WASHC4: variants seen among roughly 807,000 people sequenced by gnomAD.
WASHC4 encodes WASH complex subunit 4.
In WASHC4, 86 loss-of-function variants were observed where a neutral mutation model predicts 166.6. The observed-to-expected ratio is 0.52, with a 90% CI of 0.43 to 0.62. The LOEUF is 0.62. Among genes scored for constraint, WASHC4 ranks in the 20% least tolerant of loss-of-function variants. The pLI, the probability that WASHC4 is intolerant of heterozygous loss-of-function variation, is 0.00. For missense variants in WASHC4, 1,262 were observed against 1,382.4 expected (o/e 0.91, Z 1.38); for synonymous variants, 446 against 451.6 (o/e 0.99, Z 0.16).
intron 13 of WASHC4, among the ~76,000 whole-genome samples, chr12:105,131,447 T>C (rs564753567): frequency 1.3e-5 from 2 of 152,356 alleles, no homozygotes; most frequent in East Asian, 1.9e-4. Context: ...CACAGAGTGA[T>C]GGGCAGAAGT....
intron 26 of WASHC4, among the ~76,000 whole-genome samples, chr12:105,154,330 A>G (rs536942026): frequency 2.1e-4 from 32 of 152,076 alleles, no homozygotes; most frequent in Admixed American, 1.2e-3. Flanking sequence ...CGCCCGGCCA[A>G]TACAAATTCT....
At chr12:105,146,410 T>A in intron 22 of WASHC4, 42 bp from the exon 23 acceptor site, 1 of 1,126,994 alleles carries the variant, frequency 8.9e-7, no homozygotes, top group Non-Finnish European at 1.4e-6. Context: ...ACTGATTATT[T>A]TAATGAATTA....
At chr12:105,156,877 G>T in intron 27 of WASHC4, 85 bp downstream of exon 27, 1 of 962,714 alleles carries the variant, frequency 1.0e-6, no homozygotes, top group Non-Finnish European at 1.7e-6. Flanking sequence ...TGATATTGTA[G>T]ATAAGGTGTT....
rs748222093 is a variant in WASHC4, at chr12:105,137,910, A to G, written c.1351A>G (p.Ser451Gly). The G allele has an allele frequency of 6.2e-7, 1 of 1,607,676 alleles. No individual in the cohort carries two copies. ...GGGCTTCTTGTATGCATATAGTATT[A>G]GTACCATTATTAAAACCACAATGAA... is the stretch of plus-strand genomic sequence containing the variant. ...IQGFLYAYSI[S>G]TIIKTTMNLY... Residue 451 changes from serine (S) to glycine (G), a missense_variant, in exon 15 of 33, where the codon AGT (serine) becomes GGT (glycine). Physicochemically the swap from Ser to Gly is moderately conservative, Grantham distance 56. Transcript: ENST00000332180.
At chr12:105,124,481 GGTTTT>G (rs1881084006) in intron 10 of WASHC4, among the ~76,000 whole-genome samples, 1 of 148,640 alleles carries the variant, frequency 6.7e-6, no homozygotes. Flanking sequence ...GGTTTTTTTT[GGTTTT>G]GTTTTTGTTT....
intron 24 of WASHC4, 61 bp from the exon 25 acceptor site, chr12:105,149,554 A>G (rs1056700951): frequency 8.6e-7 from 1 of 1,165,134 alleles, no homozygotes; most frequent in African/African-American, 1.6e-5. Flanking sequence ...AATTTATTTG[A>G]ATTGATTTGA....
rs1321443975 is a variant in WASHC4 at position 105,136,183 on chromosome 12, G to A, written c.1327-1703G>A. ...TTCAGGATGCCAACTCAGAACTTAG[G>A]TGGTTTATGAAAACCAGCTCCGATG... On this transcript the variant is annotated intron_variant, in intron 14 of 32. Transcript: ENST00000332180. Among the ~76,000 whole-genome samples, 5 of 152,154 alleles carry A rather than the reference G, an allele frequency of 3.3e-5. No homozygotes were observed. In the East Asian group the frequency reaches 9.7e-4, roughly 29 times the overall value.
In WASHC4 at chr12:105,159,851, G is replaced by A. The variant is rs879291351; in HGVS notation, c.2913-150G>A. ...CAGTTTTCTGTCCATGAGAAAATAA[G>A]TTTATTCTGAACTCCAAGAAAATTT... On this transcript the variant is annotated intron_variant, in intron 28 of 32. Coordinates refer to ENST00000332180, the MANE Select transcript of WASHC4 (RefSeq NM_015275.3). The A allele has an allele frequency of 2.2e-5, 15 of 674,150 alleles. No homozygotes were observed. The African/African-American group carries it at 2.7e-4, about 12-fold the overall frequency. 41.8% of individuals were successfully genotyped at this position (674,150 alleles called of 1,614,324 possible).
At chr12:105,131,132 T>C (rs2135764711) in intron 13 of WASHC4, among the ~76,000 whole-genome samples, 1 of 150,934 alleles carries the variant, frequency 6.6e-6, no homozygotes, top group South Asian at 2.1e-4. Context: ...CAGGTTGGAC[T>C]GCGGACTGCA....
chr12:105,166,916 T>C lies in WASHC4; in HGVS notation c.3507T>C (p.Asp1169=), dbSNP rs746375980. Residue 1169 remains aspartate, a synonymous_variant, in exon 33 of 33, where the codon GAT becomes GAC. Coordinates refer to ENST00000332180, the MANE Select transcript of WASHC4 (RefSeq NM_015275.3). ...TGTCTGACAGCACTGTGTCTGCTGA[T>C]CCTGTTGTGAAATGATACGGATGGT... ...GDLSDSTVSA[D]PVVK The C allele has an allele frequency of 6.2e-7, 1 of 1,605,310 alleles. No individual in the cohort carries two copies. The highest frequency in any genetic ancestry group is 1.1e-5 in the South Asian group (1 of 90,992).
rs185636281 is a variant in WASHC4 at position 105,140,793 on chromosome 12, G to C, written c.1561-106G>C. ...AAGCTTAAATGGGGAAAGTATTTGTGTATGCTCTCTTAAATTGAATCATGG... is the reference window on the plus strand; with the variant it reads ...AAGCTTAAATGGGGAAAGTATTTGTCTATGCTCTCTTAAATTGAATCATGG... On this transcript the variant is annotated intron_variant, in intron 16 of 32. Transcript: ENST00000332180. 1.5e-4 allele frequency: 168 copies of C among 1,106,988 alleles called. No individual in the cohort carries two copies. In the East Asian group the frequency reaches 3.6e-3, roughly 24 times the overall value. The allele number at this position is 1,106,988 out of a possible 1,614,324, so 68.6% of individuals were successfully genotyped here.
At chr12:105,149,943 C>T (rs1056677923) in intron 25 of WASHC4, among the ~76,000 whole-genome samples, 194 bp downstream of exon 25, 1 of 151,976 alleles carries the variant, frequency 6.6e-6, no homozygotes, top group African/African-American at 2.4e-5. Flanking sequence ...GATACTTTTT[C>T]TTTATTTTAA....
intron 2 of WASHC4, among the ~76,000 whole-genome samples, chr12:105,111,910 A>G (rs1350404958): frequency 1.3e-5 from 2 of 152,348 alleles, no homozygotes; most frequent in East Asian, 3.9e-4. Context: ...TTCATATATC[A>G]TACAATTCAC....
At chr12:105,148,539 A>G (rs1883495140) in intron 24 of WASHC4, 1 of 985,288 alleles carries the variant, frequency 1.0e-6, no homozygotes, top group South Asian at 4.7e-5. Context: ...AGAAATCAGG[A>G]TGGCAGAATA....
chr12:105,159,878 C>A, intron 28 of WASHC4, 123 bp from the exon 29 acceptor site: 1 of 835,618 alleles, frequency 1.2e-6, no homozygotes, highest in Non-Finnish European at 1.9e-6. Flanking sequence ...AGAAAATTTT[C>A]TTAGAAGTGT....
chr12:105,110,684 ATTAAAAACTACATTT>A (rs1242921004), intron 1 of WASHC4, among the ~76,000 whole-genome samples: 1 of 152,216 alleles, frequency 6.6e-6, no homozygotes. Flanking sequence ...TGTGTATAGA[ATTAAAAACTACATTT>A]TTAAGTGTTA....
chr12:105,141,333 A>G (rs1882831703), intron 18 of WASHC4, 87 bp downstream of exon 18: 1 of 986,256 alleles, frequency 1.0e-6, no homozygotes, highest in East Asian at 2.4e-5. Context: ...AAGAGAAGAA[A>G]TAAAATTCAG....
At chr12:105,154,713 A>G (rs969022424) in intron 26 of WASHC4, among the ~76,000 whole-genome samples, 1 of 152,234 alleles carries the variant, frequency 6.6e-6, no homozygotes, top group African/African-American at 2.4e-5. Context: ...GTAACATAAC[A>G]TAATTTGTAG....
In WASHC4 at chr12:105,162,796, TAAAAA is replaced by T; in HGVS notation, c.3112_3116del (p.Lys1038Ter). On this transcript the variant is annotated frameshift_variant, in exon 30 of 33. Transcript: ENST00000332180. LOFTEE classifies it high-confidence loss of function. ...CCATTAGTTGCAAGGAAAAATTAAA[TAAAAA>T]AAATAAAATTGGAGCTGCCTTTACT... The T allele has an allele frequency of 6.2e-7, 1 of 1,603,640 alleles. No individual in the cohort carries two copies. The highest frequency in any genetic ancestry group is 8.5e-7 in the Non-Finnish European group (1 of 1,172,746).
Sources: gnomAD v4.1 joint callset for allele counts (sites outside exome capture counted in the v4.1 genomes callset) on GRCh38, gnomAD v4.1.1 for gene constraint, MANE v1.5 for transcripts, NCBI Gene and HGNC (gene_info 2026-07-23, HGNC 2026-07-21) for gene names.